The following PIK3R1 variants were observed in gnomAD, a reference collection of about 807,000 sequenced individuals.
PIK3R1 encodes phosphoinositide-3-kinase regulatory subunit 1, also known as phosphatidylinositol 3-kinase regulatory subunit alpha.
Under a neutral mutation model 98.0 loss-of-function variants are expected in PIK3R1, and 29 were observed. The observed-to-expected ratio is 0.30, with a 90% CI of 0.22 to 0.40. The LOEUF (loss-of-function observed/expected upper bound fraction) is 0.40. Among genes scored for constraint, PIK3R1 ranks in the 10% least tolerant of loss-of-function variants. The pLI is 1.00. For missense variants in PIK3R1, 596 were observed against 872.7 expected (o/e 0.68, Z 3.99); for synonymous variants, 282 against 311.8 (o/e 0.90, Z 1.01).
intron 2 of PIK3R1, among the ~76,000 whole-genome samples, chr5:68,240,224 A>G (rs1210167552): frequency 6.6e-6 from 1 of 152,172 alleles, no homozygotes; most frequent in Non-Finnish European, 1.5e-5. Flanking sequence ...TACACTGTAC[A>G]AATCTGCCTT....
intron 2 of PIK3R1, among the ~76,000 whole-genome samples, chr5:68,252,178 C>T (rs191882913): frequency 2.6e-4 from 40 of 152,274 alleles, no homozygotes; most frequent in African/African-American, 7.5e-4. Flanking sequence ...AGACCACTCT[C>T]GGCCATGCTG....
intron 2 of PIK3R1, among the ~76,000 whole-genome samples, chr5:68,257,709 T>G (rs1416989659): frequency 6.6e-6 from 1 of 152,232 alleles, no homozygotes; most frequent in East Asian, 1.9e-4. Flanking sequence ...GTCTATAATA[T>G]TAATTCCCTG....
chr5:68,251,091 A>C (rs968153905), intron 2 of PIK3R1, among the ~76,000 whole-genome samples: 4 of 152,184 alleles, frequency 2.6e-5, no homozygotes, highest in African/African-American at 4.8e-5. Context: ...ACCAGTCAGC[A>C]CACAATGGGT....
chr5:68,232,993 A>G (rs999972720), intron 2 of PIK3R1, among the ~76,000 whole-genome samples: 11 of 152,210 alleles, frequency 7.2e-5, no homozygotes, highest in Non-Finnish European at 1.3e-4. Context: ...ATTTGATGTC[A>G]GTCTTCTCTG....
At chr5:68,271,759 G>A (rs1485774775) in intron 2 of PIK3R1, among the ~76,000 whole-genome samples, 1 of 151,696 alleles carries the variant, frequency 6.6e-6, no homozygotes, top group East Asian at 1.9e-4. Context: ...TTTATCCTGG[G>A]TAGTTGCAAT....
In PIK3R1 at chr5:68,294,666, A is replaced by G. The variant is rs1131691859; in HGVS notation, c.1556A>G (p.Lys519Arg). ...AAGTTTAAACGTGAAGGCAATGAGAAAGAAATACAAAGGTTGGTGTTTCCC... is the reference window on the plus strand; with the variant it reads ...AAGTTTAAACGTGAAGGCAATGAGAGAGAAATACAAAGGTTGGTGTTTCCC... Reference protein sequence around the residue: ...IEKFKREGNEKEIQRIMHNYD... With the variant: ...IEKFKREGNEREIQRIMHNYD... The change falls in exon 12 of 16, where the codon AAA becomes AGA. Residue 519 changes from lysine (K) to arginine (R), a missense_variant. Coordinates refer to ENST00000521381, the MANE Select transcript of PIK3R1 (RefSeq NM_181523.3). 1 of 1,604,872 alleles carries G rather than the reference A, an allele frequency of 6.2e-7. No individual in the cohort carries two copies. The highest frequency in any genetic ancestry group is 1.7e-5 in the Admixed American group (1 of 58,014).
At chr5:68,261,968 G>C (rs540916210) in intron 2 of PIK3R1, among the ~76,000 whole-genome samples, 1 of 152,076 alleles carries the variant, frequency 6.6e-6, no homozygotes. Flanking sequence ...AGGAAGAGGC[G>C]ACTCTGAGAT....
intron 4 of PIK3R1, among the ~76,000 whole-genome samples, chr5:68,275,784 A>G (rs528400524): frequency 6.6e-6 from 1 of 152,204 alleles, no homozygotes; most frequent in Non-Finnish European, 1.5e-5. Context: ...ACATAAAAAC[A>G]TTGTATAATA....
rs1441015747 is a variant in PIK3R1, at chr5:68,226,714, T to G, written c.39T>G (p.Asp13Glu). The G allele has an allele frequency of 2.5e-6, 4 of 1,613,826 alleles. No individual in the cohort carries two copies. Among genetic ancestry groups the G allele is most frequent in the Admixed American group, 1.7e-5 (1 of 59,984 alleles). ...GGTACCAGTACAGAGCGCTGTATGATTATAAAAAGGAAAGAGAAGAAGATA... is the reference window on the plus strand; with the variant it reads ...GGTACCAGTACAGAGCGCTGTATGAGTATAAAAAGGAAAGAGAAGAAGATA... ...AEGYQYRALY[D>E]YKKEREEDID... The change falls in exon 2 of 16, where the codon GAT becomes GAG. Residue 13 changes from aspartate (D) to glutamate (E), a missense_variant. By Grantham distance (45) the Asp-to-Glu change is conservative. Coordinates refer to ENST00000521381, the MANE Select transcript of PIK3R1 (RefSeq NM_181523.3).
intron 2 of PIK3R1, among the ~76,000 whole-genome samples, chr5:68,238,699 T>C (rs962205742): frequency 6.6e-6 from 1 of 151,796 alleles, no homozygotes; most frequent in African/African-American, 2.4e-5. Context: ...AAACATAAAA[T>C]GAGGGAGAAG....
intron 2 of PIK3R1, among the ~76,000 whole-genome samples, chr5:68,242,905 C>T (rs1744924568): frequency 2.6e-5 from 4 of 152,184 alleles, no homozygotes; most frequent in Admixed American, 2.6e-4. Context: ...ACCCCCATCT[C>T]AGAGGTTAAC....
chr5:68,299,359 TAA>T lies in PIK3R1; in HGVS notation c.*1760_*1761del, dbSNP rs1194034574. On this transcript the variant is annotated 3_prime_UTR_variant, in exon 16 of 16. Transcript: ENST00000521381. Reference sequence around the variant, plus strand: ...CTGCTCTGGACTGTGTGGAGCTCGCTAAAGTCATGGTCATTGCAGGAATCCAA... The same window carrying T: ...CTGCTCTGGACTGTGTGGAGCTCGCTAGTCATGGTCATTGCAGGAATCCAA... 3 of 232,956 alleles carry T rather than the reference TAA, an allele frequency of 1.3e-5. No individual in the cohort carries two copies. The highest frequency in any genetic ancestry group is 2.5e-5 in the Non-Finnish European group (3 of 117,862). 14.4% of individuals were successfully genotyped at this position (232,956 alleles called of 1,614,324 possible).
chr5:68,227,133 A>C, intron 2 of PIK3R1, 124 bp downstream of exon 2: 1 of 771,294 alleles, frequency 1.3e-6, no homozygotes, highest in Non-Finnish European at 2.1e-6. Context: ...ACCTGAATTG[A>C]TGTGTGGTGC....
chr5:68,244,515 G>GCACCCCC (rs1561267462), intron 2 of PIK3R1, among the ~76,000 whole-genome samples: 1 of 11,808 alleles, frequency 8.5e-5, no homozygotes, highest in Non-Finnish European at 1.3e-4. Context: ...CTCTAGGACC[G>GCACCCCC]CCCCCCCGCC....
Position 68,297,620 on chromosome 5 carries a change from C to A in PIK3R1, c.*19C>A, listed in dbSNP as rs1747802377. On this transcript the variant is annotated 3_prime_UTR_variant, in exon 16 of 16. Coordinates refer to ENST00000521381, the MANE Select transcript of PIK3R1 (RefSeq NM_181523.3). ...GCGATGAAGCGCTTACTCTTTGATC[C>A]TTCTCCTGAAGTTCAGCCACCCTGA... 1 of 1,608,808 alleles carries A rather than the reference C, an allele frequency of 6.2e-7. No homozygotes were observed. The highest frequency in any genetic ancestry group is 1.1e-5 in the South Asian group (1 of 90,420).
intron 11 of PIK3R1, among the ~76,000 whole-genome samples, chr5:68,294,119 G>C (rs1164396281): frequency 1.3e-5 from 2 of 152,200 alleles, no homozygotes; most frequent in African/African-American, 4.8e-5. Context: ...TTGGAAGTTA[G>C]TAATAACTGG....
intron 8 of PIK3R1, 44 bp from the exon 9 acceptor site, chr5:68,293,057 T>C (rs1298599122): frequency 6.9e-7 from 1 of 1,448,908 alleles, no homozygotes; most frequent in Admixed American, 1.7e-5. Flanking sequence ...AAATCTGTGG[T>C]CACTAAACCT....
At chr5:68,289,315 G>A (rs34287) in intron 7 of PIK3R1, among the ~76,000 whole-genome samples, 42,176 of 152,028 alleles carry the variant, frequency 0.28, 7,246 homozygotes, top group South Asian at 0.4. Context: ...AGGGTGGGAA[G>A]AGACAAGGTG....
chr5:68,235,137 TCA>T (rs1241474879), intron 2 of PIK3R1, among the ~76,000 whole-genome samples: 1 of 152,298 alleles, frequency 6.6e-6, no homozygotes, highest in East Asian at 1.9e-4. Flanking sequence ...GTGCAGTGGC[TCA>T]CACCTGTAAT....
Sources: gnomAD v4.1 joint callset for allele counts (sites outside exome capture counted in the v4.1 genomes callset) on GRCh38, gnomAD v4.1.1 for gene constraint, MANE v1.5 for transcripts, NCBI Gene and HGNC (gene_info 2026-07-23, HGNC 2026-07-21) for gene names.